SMOC2: variants seen among roughly 807,000 people sequenced by gnomAD.
SMOC2 encodes the protein SPARC-related modular calcium-binding protein 2.
A neutral mutation model predicts 61.4 loss-of-function variants in SMOC2; 39 were observed. That is an observed-to-expected ratio of 0.64 (90% confidence interval 0.49 to 0.83). The LOEUF is 0.83. SMOC2 is among the 40% of genes least tolerant of loss of function. The pLI is 0.00. For missense variants in SMOC2, 556 were observed against 592.9 expected, an observed-to-expected ratio of 0.94 and a Z score of 0.65; for synonymous variants, 247 against 239.9, an observed-to-expected ratio of 1.03 and a Z score of -0.27.
At chr6:168,568,847 T>C (rs1784603829) in intron 7 of SMOC2, among the ~76,000 whole-genome samples, 1 of 152,206 alleles carries the variant, frequency 6.6e-6, no homozygotes, top group African/African-American at 2.4e-5. Flanking sequence ...TTACTAATAT[T>C]CGTTTAAGGT....
intron 7 of SMOC2, among the ~76,000 whole-genome samples, chr6:168,566,626 C>G (rs1784548937): frequency 6.6e-6 from 1 of 151,896 alleles, no homozygotes; most frequent in South Asian, 2.1e-4. Context: ...GGACTACAGG[C>G]ACGTGGCACC....
chr6:168,599,297 T>C (rs111210859), intron 8 of SMOC2, among the ~76,000 whole-genome samples: 1,045 of 47,530 alleles, frequency 0.022, 29 homozygotes, highest in African/African-American at 0.076. Flanking sequence ...CACACACACA[T>C]ACCACACACA....
intron 9 of SMOC2, among the ~76,000 whole-genome samples, chr6:168,637,507 T>C (rs1232370022): frequency 3.3e-5 from 5 of 152,214 alleles, no homozygotes; most frequent in African/African-American, 1.2e-4. Context: ...CACAATACTT[T>C]TAAGAAACAA....
intron 7 of SMOC2, among the ~76,000 whole-genome samples, chr6:168,569,951 T>C (rs1452248145): frequency 1.3e-5 from 2 of 152,234 alleles, no homozygotes; most frequent in African/African-American, 4.8e-5. Flanking sequence ...CTAGATTTTC[T>C]CCTGCGTTAC....
intron 1 of SMOC2, among the ~76,000 whole-genome samples, chr6:168,447,972 A>G (rs117336339): frequency 0.037 from 5,591 of 152,268 alleles, 158 homozygotes; most frequent in South Asian, 0.13. Flanking sequence ...GGGTGTCACC[A>G]TGGACATTTG....
chr6:168,465,141 G>T (rs1367556650), intron 1 of SMOC2, among the ~76,000 whole-genome samples: 1 of 152,238 alleles, frequency 6.6e-6, no homozygotes, highest in Admixed American at 6.5e-5. Flanking sequence ...ATCCATCACT[G>T]GTTGCCAAGG....
At chr6:168,446,298 G>C (rs1262991995) in intron 1 of SMOC2, among the ~76,000 whole-genome samples, 1 of 152,208 alleles carries the variant, frequency 6.6e-6, no homozygotes, top group Non-Finnish European at 1.5e-5. Context: ...AGGAGGCAGA[G>C]GTTGCAGTGA....
chr6:168,624,183 G>A (rs1304914045), intron 9 of SMOC2, among the ~76,000 whole-genome samples: 2 of 152,200 alleles, frequency 1.3e-5, no homozygotes, highest in Non-Finnish European at 2.9e-5. Context: ...CCCTATATGA[G>A]TTCATTTACG....
chr6:168,532,277 G>A (rs1783623640), intron 4 of SMOC2, among the ~76,000 whole-genome samples: 1 of 152,196 alleles, frequency 6.6e-6, no homozygotes, highest in Non-Finnish European at 1.5e-5. Context: ...GGAAGGCACA[G>A]TAAAGGGCAG....
intron 1 of SMOC2, among the ~76,000 whole-genome samples, chr6:168,446,171 T>C (rs1374464445): frequency 1.3e-5 from 2 of 152,254 alleles, no homozygotes; most frequent in African/African-American, 4.8e-5. Flanking sequence ...AAGACCAGCC[T>C]GACCAACATG....
chr6:168,560,518 GCGTTCTTGGAGGAGGTGT>G (rs1784385826), intron 7 of SMOC2, among the ~76,000 whole-genome samples: 4 of 145,374 alleles, frequency 2.8e-5, no homozygotes, highest in African/African-American at 5.0e-5. Context: ...GGCTCTCACT[GCGTTCTTGGAGGAGGTGT>G]CATTTTCCTG....
At chr6:168,441,644 C>T (rs1781212575) in intron 1 of SMOC2, among the ~76,000 whole-genome samples, 190 bp downstream of exon 1, 1 of 152,156 alleles carries the variant, frequency 6.6e-6, no homozygotes, top group East Asian at 1.9e-4. Context: ...GCCTGGGACC[C>T]GGCTGGGATG....
At chr6:168,625,302 T>C (rs2115239110) in intron 9 of SMOC2, among the ~76,000 whole-genome samples, 1 of 152,260 alleles carries the variant, frequency 6.6e-6, no homozygotes, top group Admixed American at 6.5e-5. Flanking sequence ...AGAGTCCCCT[T>C]CCTGGAGCCT....
intron 7 of SMOC2, among the ~76,000 whole-genome samples, chr6:168,568,590 G>A (rs539148368): frequency 6.6e-6 from 1 of 152,242 alleles, no homozygotes; most frequent in Admixed American, 6.5e-5. Flanking sequence ...TTGATTGACT[G>A]CCCTGAAAAC....
intron 1 of SMOC2, among the ~76,000 whole-genome samples, chr6:168,451,984 G>T (rs1424182206): frequency 6.6e-6 from 1 of 152,214 alleles, no homozygotes; most frequent in African/African-American, 2.4e-5. Context: ...GGTGGAAGAG[G>T]TTGTCTCCCA....
chr6:168,601,083 C>T (rs899022283), intron 8 of SMOC2, among the ~76,000 whole-genome samples: 3 of 152,248 alleles, frequency 2.0e-5, no homozygotes, highest in African/African-American at 7.2e-5. Flanking sequence ...ACCTTTAATG[C>T]TTAGGCATGA....
At chr6:168,523,231 G>A (rs1562569113) in intron 2 of SMOC2, among the ~76,000 whole-genome samples, 1 of 147,220 alleles carries the variant, frequency 6.8e-6, no homozygotes. Context: ...TGGGACTACA[G>A]GCGCCCGCCA....
chr6:168,660,902 G>C (rs990603101), intron 11 of SMOC2, among the ~76,000 whole-genome samples: 7 of 152,244 alleles, frequency 4.6e-5, no homozygotes, highest in African/African-American at 1.7e-4. Context: ...AGTTGCTGCA[G>C]AAGTTAGAGT....
intron 1 of SMOC2, among the ~76,000 whole-genome samples, chr6:168,478,925 A>G: frequency 6.7e-6 from 1 of 148,794 alleles, no homozygotes; most frequent in Non-Finnish European, 1.5e-5. Context: ...GCCCTGGTTT[A>G]CAGACCCTGT....
Sources: gnomAD v4.1 joint callset for allele counts (sites outside exome capture counted in the v4.1 genomes callset) on GRCh38, gnomAD v4.1.1 for gene constraint, MANE v1.5 for transcripts, NCBI Gene and HGNC (gene_info 2026-07-23, HGNC 2026-07-21) for gene names.